Variants in EYA3 observed in about 807,000 individuals in gnomAD.
EYA3 encodes the protein EYA transcriptional coactivator and phosphatase 3, also known as protein phosphatase EYA3.
EYA3 carries 39 observed loss-of-function variants against 80.0 expected under a neutral mutation model. The ratio of observed to expected loss-of-function variants is 0.49; its 90% CI spans 0.38 to 0.64. The LOEUF is 0.64. Ranked by LOEUF, EYA3 falls within the 30% of genes least tolerant of loss-of-function variation. The probability of loss-of-function intolerance (pLI) is 0.00; values close to 1 mark genes in which losing one functional copy is unlikely to be tolerated. For synonymous variants in EYA3, 206 were observed against 232.8 expected, an observed-to-expected ratio of 0.88 and a Z score of 1.05; for missense variants, 523 against 676.1, an observed-to-expected ratio of 0.77 and a Z score of 2.51.
In EYA3 at chr1:27,991,426, C is replaced by T. The variant is rs576457311; in HGVS notation, c.1304-1615G>A. ...TAAAACACTACCCAAGACTAGATAT[C>T]TAAGCACAAAAGAGAGCTCATATGA... On this transcript the variant is annotated intron_variant, in intron 14 of 17. Transcript: ENST00000373871. Among the ~76,000 whole-genome samples the T allele has an allele frequency of 3.9e-5, 6 of 152,272 alleles. No individual in the cohort carries two copies. The South Asian group carries it at 1.2e-3, about 32-fold the overall frequency.
At chr1:28,019,795 G>A (rs1021819272) in intron 7 of EYA3, among the ~76,000 whole-genome samples, 1 of 151,830 alleles carries the variant, frequency 6.6e-6, no homozygotes, top group Non-Finnish European at 1.5e-5. Context: ...TCCGCCTCCC[G>A]GGTTCAAGAA....
At chr1:28,050,196 A>T (rs528866707) in intron 2 of EYA3, among the ~76,000 whole-genome samples, 28,703 of 121,098 alleles carry the variant, frequency 0.24, 3,192 homozygotes, top group Non-Finnish European at 0.28. Flanking sequence ...TATTATTATT[A>T]TTATTATTTT....
At chr1:28,046,732 T>C (rs1644018601) in intron 3 of EYA3, among the ~76,000 whole-genome samples, 1 of 152,188 alleles carries the variant, frequency 6.6e-6, no homozygotes, top group Admixed American at 6.6e-5. Flanking sequence ...TAGTTGGGTT[T>C]AATCAGGGTT....
chr1:28,040,856 G>T (rs1388185258), intron 4 of EYA3, among the ~76,000 whole-genome samples: 1 of 83,162 alleles, frequency 1.2e-5, no homozygotes, highest in Admixed American at 1.2e-4. Flanking sequence ...CGGAGGGGCA[G>T]GGGGGGGTCG....
At chr1:28,059,616 A>T (rs961289964) in intron 1 of EYA3, among the ~76,000 whole-genome samples, 9 of 152,124 alleles carry the variant, frequency 5.9e-5, no homozygotes, top group African/African-American at 9.7e-5. Flanking sequence ...TACTGTCTAA[A>T]TGTACATTAT....
rs377723253 is a variant in EYA3, at chr1:28,009,669, A to AACAACAACAACAACAAC, written c.909+1277_909+1278insGTTGTTGTTGTTGTTGT. Among the ~76,000 whole-genome samples, 25 of 141,932 alleles carry AACAACAACAACAACAAC rather than the reference A, an allele frequency of 1.8e-4. No homozygotes were observed. The highest frequency in any genetic ancestry group is 8.7e-4 in the South Asian group (4 of 4,616). 93.1% of individuals were successfully genotyped at this position (141,932 alleles called of 152,430 possible). A position where few individuals can be genotyped will look rare whatever the true frequency, so the allele number is the denominator to read the frequency against. On this transcript the variant is annotated intron_variant, in intron 10 of 17. Transcript: ENST00000373871. The surrounding 1 kb of genome is among the most constrained non-coding windows in gnomAD (Gnocchi z 4.8). ...ACAACAACAACAACAACAACAACAA[A>AACAACAACAACAACAAC]AAACCATTATGGTAAATGAAATAAG...
chr1:27,980,684 C>G (rs916482428), intron 16 of EYA3, among the ~76,000 whole-genome samples: 6 of 152,174 alleles, frequency 3.9e-5, no homozygotes, highest in Admixed American at 6.5e-5. Flanking sequence ...GCAATTGAAG[C>G]TGGTGAACTG....
intron 6 of EYA3, among the ~76,000 whole-genome samples, chr1:28,028,973 G>C (rs1642952214): frequency 6.6e-6 from 1 of 152,060 alleles, no homozygotes; most frequent in African/African-American, 2.4e-5. Context: ...CTCCACCTTG[G>C]CTTTTTAAAG....
intron 1 of EYA3, among the ~76,000 whole-genome samples, chr1:28,084,257 A>C: frequency 6.6e-6 from 1 of 152,020 alleles, no homozygotes; most frequent in South Asian, 2.1e-4. Flanking sequence ...GAAAATGCCT[A>C]AATTACTTCT....
intron 1 of EYA3, among the ~76,000 whole-genome samples, chr1:28,064,374 CTCTCTA>C (rs1226831706): frequency 0.015 from 1,693 of 116,004 alleles, 34 homozygotes; most frequent in African/African-American, 0.049. Flanking sequence ...CTCTCTCTCT[CTCTCTA>C]TATATATATA....
intron 13 of EYA3, among the ~76,000 whole-genome samples, chr1:27,996,017 C>T (rs375940896): frequency 1.9e-4 from 29 of 152,168 alleles, no homozygotes; most frequent in African/African-American, 5.8e-4. Context: ...GGACTACAGG[C>T]GCATGCCACC....
chr1:27,997,264 G>A, intron 13 of EYA3, 56 bp downstream of exon 13: 1 of 1,476,740 alleles, frequency 6.8e-7, no homozygotes, highest in South Asian at 1.1e-5. Flanking sequence ...AACCTAGACA[G>A]ACAGATCTTG....
chr1:27,974,259 CAGAG>C lies in EYA3; in HGVS notation c.*203_*206del, dbSNP rs3831952. The stretch of plus-strand genomic sequence containing the variant: ...CTCGCCAGCATTCCATGGATAAAGA[CAGAG>C]AGAGAGAGAGAGAGAGAGGCAGAGA... On this transcript the variant is annotated 3_prime_UTR_variant, in exon 18 of 18. Transcript: ENST00000373871. 0.015 allele frequency: 4,972 copies of C among 332,632 alleles called. 19 individuals are homozygous for C. Among genetic ancestry groups the C allele is most frequent in the Admixed American group, 0.019 (421 of 22,104 alleles). 20.6% of individuals were successfully genotyped at this position (332,632 alleles called of 1,614,324 possible).
In EYA3 at chr1:27,974,556, A is replaced by G. The variant is rs1571686288; in HGVS notation, c.1642-10T>C. On this transcript the variant is annotated splice_polypyrimidine_tract_variant and intron_variant, in intron 17 of 17. Transcript: ENST00000373871. ...AGAAAGGCATGTTGTGCTGGAAGAG[A>G]GTGGGAATAGCTGGTTAATCCAACT... 1 of 1,610,596 alleles carries G rather than the reference A, an allele frequency of 6.2e-7. No homozygotes were observed. The highest frequency in any genetic ancestry group is 8.5e-7 in the Non-Finnish European group (1 of 1,177,370).
chr1:28,050,743 C>T (rs748307486), intron 2 of EYA3, among the ~76,000 whole-genome samples: 15 of 151,926 alleles, frequency 9.9e-5, no homozygotes, highest in Non-Finnish European at 2.1e-4. Context: ...AGCAATTATG[C>T]CCCCCTCTAA....
chr1:27,997,519 A>G, intron 12 of EYA3, 141 bp from the exon 13 acceptor site: 1 of 735,202 alleles, frequency 1.4e-6, no homozygotes. Context: ...GATCACTCTC[A>G]CACCCCTTGC....
chr1:27,990,552 C>CT (rs370894433), intron 14 of EYA3: 16,682 of 131,084 alleles, frequency 0.13, 1,514 homozygotes, highest in East Asian at 0.26. Context: ...ACCAGTTGTC[C>CT]TTTTTTTTTT....
intron 1 of EYA3, among the ~76,000 whole-genome samples, chr1:28,067,257 G>A (rs926403055): frequency 5.3e-5 from 8 of 152,018 alleles, no homozygotes; most frequent in Non-Finnish European, 8.8e-5. Flanking sequence ...CTACAGAAAC[G>A]AAAAATGAGA....
At chr1:28,070,323 G>A (rs1008161211) in intron 1 of EYA3, among the ~76,000 whole-genome samples, 2 of 152,100 alleles carry the variant, frequency 1.3e-5, no homozygotes, top group East Asian at 1.9e-4. Context: ...CACTTCGGGA[G>A]GCCAAAGCAG....
Sources: gnomAD v4.1 joint callset for allele counts (sites outside exome capture counted in the v4.1 genomes callset) on GRCh38, gnomAD v4.1.1 for gene constraint, Gnocchi (gnomAD v3.1) non-coding constraint, MANE v1.5 for transcripts, NCBI Gene and HGNC (gene_info 2026-07-23, HGNC 2026-07-21) for gene names.